Variants in PRPF6 observed in about 807,000 individuals in gnomAD.
PRPF6 encodes pre-mRNA processing factor 6, also known as pre-mRNA-processing factor 6.
A neutral mutation model predicts 118.3 loss-of-function variants in PRPF6; 42 were observed. That is an observed-to-expected ratio of 0.35 (90% CI 0.28 to 0.46). PRPF6 has a LOEUF of 0.46. Ranked by LOEUF, PRPF6 falls within the 20% of genes least tolerant of loss-of-function variation. PRPF6 has a pLI of 1.00. For missense variants in PRPF6, 662 were observed against 1,255.7 expected, an observed-to-expected ratio of 0.53 and a Z score of 7.15; for synonymous variants, 481 against 485.1, an observed-to-expected ratio of 0.99 and a Z score of 0.11.
At chr20:64,020,785 A>ATTTTTT (rs10670252) in intron 12 of PRPF6, among the ~76,000 whole-genome samples, 1 of 134,168 alleles carries the variant, frequency 7.5e-6, no homozygotes, top group Admixed American at 7.5e-5. Context: ...ACTATACCTA[A>ATTTTTT]TTTTTTTTTT....
At chr20:64,030,158 CCT>C (rs1321531439) in intron 19 of PRPF6, among the ~76,000 whole-genome samples, 1 of 152,246 alleles carries the variant, frequency 6.6e-6, no homozygotes, top group Non-Finnish European at 1.5e-5. Context: ...CCCCAGGGTC[CCT>C]GTTTCCTTCT....
chr20:63,988,113 A>G (rs2059102708), intron 3 of PRPF6, among the ~76,000 whole-genome samples: 1 of 152,166 alleles, frequency 6.6e-6, no homozygotes, highest in Non-Finnish European at 1.5e-5. Context: ...TGAGGTCAGG[A>G]GTTTGAGACC....
chr20:64,022,885 G>C lies in PRPF6; in HGVS notation c.1769+7G>C. 1 of 1,613,974 alleles carries C rather than the reference G, an allele frequency of 6.2e-7. No homozygotes were observed. The highest frequency in any genetic ancestry group is 8.5e-7 in the Non-Finnish European group (1 of 1,179,976). On this transcript the variant is annotated splice_region_variant and intron_variant, in intron 13 of 20. Transcript: ENST00000266079. ...AGAAGAACCATGGCACTCGGTATGT[G>C]GTGGGACCCGCCTGCCCAAGGGTGC...
chr20:64,017,222 C>T (rs550290307), intron 12 of PRPF6, among the ~76,000 whole-genome samples: 4 of 151,554 alleles, frequency 2.6e-5, no homozygotes, highest in Non-Finnish European at 4.4e-5. Context: ...GGATCACAGG[C>T]GTGAGCCACC....
chr20:64,028,568 C>T lies in PRPF6; in HGVS notation c.2430C>T (p.Ser810=), dbSNP rs149233905. The change falls in exon 18 of 21, where the codon TCC becomes TCT. Residue 810 remains serine (S), a splice_region_variant and synonymous_variant. Coordinates refer to ENST00000266079, the MANE Select transcript of PRPF6 (RefSeq NM_012469.4). The surrounding 1 kb of genome is among the most constrained non-coding windows in gnomAD (Gnocchi z 6.5). ...MAKALQECPN[S]GILWSEAIFL... is the part of the protein sequence containing the mutation. ...AGGCGCTGCAGGAGTGCCCCAACTC[C>T]GGTAAGGGGGTGCCCCGACTCCGGT... 2.9e-5 allele frequency: 46 copies of T among 1,609,102 alleles called. No individual in the cohort carries two copies. The highest frequency in any genetic ancestry group is 2.8e-4 in the African/African-American group (21 of 74,766).
At chr20:63,983,650 G>A (rs1334988239) in intron 2 of PRPF6, among the ~76,000 whole-genome samples, 1 of 146,102 alleles carries the variant, frequency 6.8e-6, no homozygotes, top group Non-Finnish European at 1.5e-5. Flanking sequence ...CTATTGGCCA[G>A]TCTTTTTTTT....
At chr20:64,031,829 T>G in intron 19 of PRPF6, 89 bp from the exon 20 acceptor site, 1 of 1,575,684 alleles carries the variant, frequency 6.3e-7, no homozygotes, top group South Asian at 1.1e-5. Flanking sequence ...GGGTCAGGGA[T>G]GAAGCTGATG....
intron 6 of PRPF6, among the ~76,000 whole-genome samples, chr20:63,996,665 G>A (rs770152465): frequency 2.6e-5 from 4 of 152,192 alleles, no homozygotes; most frequent in Admixed American, 6.5e-5. Context: ...AGGCACTCAT[G>A]CCTGTAATCC....
intron 6 of PRPF6, among the ~76,000 whole-genome samples, chr20:63,996,287 C>T (rs1345746225): frequency 1.3e-5 from 2 of 152,162 alleles, no homozygotes; most frequent in African/African-American, 2.4e-5. Context: ...TGCAGTGAGC[C>T]GAGATTGCAC....
rs1294249936 is a variant in PRPF6 at position 64,011,842 on chromosome 20, G to A, written c.1524+339G>A. Reference sequence around the variant, plus strand: ...TTGCTAGTAGAAATGATACACCTACGAGAGGAGGACAGGAAGTCTCACGGC... The same window carrying A: ...TTGCTAGTAGAAATGATACACCTACAAGAGGAGGACAGGAAGTCTCACGGC... On this transcript the variant is annotated intron_variant, in intron 11 of 20. Coordinates refer to ENST00000266079, the MANE Select transcript of PRPF6 (RefSeq NM_012469.4). This position sits in a 1 kb window ranked among gnomAD's most constrained non-coding sequence, Gnocchi z 6.7. 6.4e-5 allele frequency among the ~76,000 whole-genome samples: 8 copies of A among 124,910 alleles called. No homozygotes were observed. The highest frequency in any genetic ancestry group is 4.9e-4 in the Admixed American group (6 of 12,350). 81.9% of individuals were successfully genotyped at this position (124,910 alleles called of 152,430 possible).
intron 10 of PRPF6, 25 bp downstream of exon 10, chr20:64,010,343 C>T: frequency 2.5e-6 from 4 of 1,589,628 alleles, no homozygotes; most frequent in Non-Finnish European, 1.7e-6. Context: ...CTCAGGGCCA[C>T]CAGAGCCCAA....
chr20:64,020,468 C>T (rs535516125), intron 12 of PRPF6, among the ~76,000 whole-genome samples: 56 of 152,278 alleles, frequency 3.7e-4, no homozygotes, highest in African/African-American at 1.3e-3. Flanking sequence ...TGACTTGCCC[C>T]TGTGTGAGGC....
In PRPF6 at chr20:63,983,468, C is replaced by CTTT. The variant is rs570846288; in HGVS notation, c.240+263_240+265dup. Among the ~76,000 whole-genome samples the CTTT allele has an allele frequency of 5.0e-3, 648 of 129,048 alleles. 24 individuals are homozygous for CTTT. The highest frequency in any genetic ancestry group is 0.018 in the African/African-American group (615 of 33,828). The allele number at this position is 129,048 out of a possible 152,430, so 84.7% of individuals were successfully genotyped here. A position where few individuals can be genotyped will look rare whatever the true frequency, so the allele number is the denominator to read the frequency against. On this transcript the variant is annotated intron_variant, in intron 2 of 20. Transcript: ENST00000266079. ...GCCTTGGCATTTTCTATTGCCCAGT[C>CTTT]TTTTTTTTTTTTGAGACGGAATTTC...
chr20:64,010,342 A>G lies in PRPF6; in HGVS notation c.1305+24A>G, dbSNP rs778085910. On this transcript the variant is annotated intron_variant, in intron 10 of 20. Coordinates refer to ENST00000266079, the MANE Select transcript of PRPF6 (RefSeq NM_012469.4). ...AGGTGAGTCTGGCGGGCTCAGGGCC[A>G]CCAGAGCCCAAAGTGGCCAAGGCCT... The G allele has an allele frequency of 5.7e-6, 9 of 1,584,256 alleles. No homozygotes were observed. The Admixed American group carries it at 6.7e-5, about 12-fold the overall frequency.
In PRPF6 at chr20:64,028,364, G is replaced by A. The variant is rs1179188763; in HGVS notation, c.2340-114G>A. ...TGAGCTCTGCTGTGGAGGGAATGGA[G>A]TTTTTGCTGCTGTGACTGGGTGGAG... On this transcript the variant is annotated intron_variant, in intron 17 of 20. Coordinates refer to ENST00000266079, the MANE Select transcript of PRPF6 (RefSeq NM_012469.4). The surrounding 1 kb of genome is among the most constrained non-coding windows in gnomAD (Gnocchi z 6.5). The A allele has an allele frequency of 1.8e-6, 2 of 1,094,746 alleles. No individual in the cohort carries two copies. Among genetic ancestry groups the A allele is most frequent in the Non-Finnish European group, 2.8e-6 (2 of 719,522 alleles). The allele number at this position is 1,094,746 out of a possible 1,614,324, so 67.8% of individuals were successfully genotyped here. A position where few individuals can be genotyped will look rare whatever the true frequency, so the allele number is the denominator to read the frequency against.
chr20:63,999,667 G>T lies in PRPF6; in HGVS notation c.931G>T (p.Ala311Ser), dbSNP rs1418624058. ...GGAGACGAACCCTCATCACCCGCCAGCCTGGATTGCATCAGCCCGCCTGGA... is the reference window on the plus strand; with the variant it reads ...GGAGACGAACCCTCATCACCCGCCATCCTGGATTGCATCAGCCCGCCTGGA... ...VRETNPHHPPAWIASARLEEV... is the reference protein window; with the variant it reads ...VRETNPHHPPSWIASARLEEV... The change falls in exon 8 of 21, where the codon GCC becomes TCC. Residue 311 changes from alanine to serine, a missense_variant. Physicochemically the swap from Ala to Ser is moderately conservative, Grantham distance 99. Coordinates refer to ENST00000266079, the MANE Select transcript of PRPF6 (RefSeq NM_012469.4). 3.1e-6 allele frequency: 5 copies of T among 1,614,044 alleles called. No homozygotes were observed. Among genetic ancestry groups the T allele is most frequent in the East Asian group, 2.2e-5 (1 of 44,888 alleles).
intron 9 of PRPF6, among the ~76,000 whole-genome samples, chr20:64,006,756 T>G (rs1174167926): frequency 6.6e-6 from 1 of 152,236 alleles, no homozygotes; most frequent in Non-Finnish European, 1.5e-5. Context: ...CCGTGTGTTC[T>G]GGCTGTGAGA....
chr20:63,992,331 G>A (rs1419400609), intron 3 of PRPF6, among the ~76,000 whole-genome samples: 1 of 152,002 alleles, frequency 6.6e-6, no homozygotes, highest in Non-Finnish European at 1.5e-5. Context: ...GCATGATCTT[G>A]GCTCCCTGCA....
At chr20:64,010,007 C>G (rs559094313) in intron 9 of PRPF6, among the ~76,000 whole-genome samples, 193 bp from the exon 10 acceptor site, 3 of 152,272 alleles carry the variant, frequency 2.0e-5, no homozygotes, top group Non-Finnish European at 4.4e-5. Context: ...CTTTCTGCTA[C>G]CACAAGATGC....
Sources: allele counts gnomAD v4.1 joint callset (sites outside exome capture counted in the v4.1 genomes callset), GRCh38; gene constraint gnomAD v4.1.1; non-coding constraint Gnocchi (gnomAD v3.1); transcripts MANE v1.5; gene names NCBI Gene and HGNC (gene_info 2026-07-23, HGNC 2026-07-21).